The following SDK1 variants were observed in gnomAD, a reference collection of about 807,000 sequenced individuals.
The protein encoded by SDK1 is sidekick cell adhesion molecule 1, also known as protein sidekick-1.
Under a neutral mutation model 245.5 loss-of-function variants are expected in SDK1, and 157 were observed. That is an observed-to-expected ratio of 0.64 (90% CI 0.56 to 0.73). The LOEUF (loss-of-function observed/expected upper bound fraction) is 0.73, where lower values mean the gene tolerates loss of function less well. SDK1 is among the 30% of genes least tolerant of loss of function. SDK1 has a pLI of 0.00. For synonymous variants in SDK1, 1,647 were observed against 1,278.5 expected (o/e 1.29, Z -6.15); for missense variants, 3,583 against 3,002.3 (o/e 1.19, Z -4.52).
At chr7:3,797,939 C>G (rs1583424047) in intron 4 of SDK1, among the ~76,000 whole-genome samples, 1 of 152,216 alleles carries the variant, frequency 6.6e-6, no homozygotes, top group East Asian at 1.9e-4. Flanking sequence ...GTTGAAATAA[C>G]TTGAGACTTA....
At chr7:3,565,731 C>T (rs1355321674) in intron 1 of SDK1, among the ~76,000 whole-genome samples, 1 of 152,176 alleles carries the variant, frequency 6.6e-6, no homozygotes, top group African/African-American at 2.4e-5. Context: ...TACTTTAAAT[C>T]ACATCTAGGT....
At chr7:3,585,886 T>G (rs902513365) in intron 1 of SDK1, among the ~76,000 whole-genome samples, 2 of 152,148 alleles carry the variant, frequency 1.3e-5, no homozygotes, top group Admixed American at 6.5e-5. Flanking sequence ...GGAAAGAGAT[T>G]AGAAGTAAGA....
intron 1 of SDK1, among the ~76,000 whole-genome samples, chr7:3,407,785 C>T (rs1779092534): frequency 2.6e-5 from 4 of 152,170 alleles, no homozygotes; most frequent in Admixed American, 2.6e-4. Context: ...ATTTGTCCTT[C>T]TCCTCAAGGA....
chr7:3,462,115 G>T (rs1003114504), intron 1 of SDK1, among the ~76,000 whole-genome samples: 2 of 152,050 alleles, frequency 1.3e-5, no homozygotes, highest in Non-Finnish European at 2.9e-5. Flanking sequence ...TGTGGTTTCC[G>T]CTTCTGTCAT....
intron 1 of SDK1, among the ~76,000 whole-genome samples, chr7:3,381,320 G>T (rs1182466307): frequency 1.3e-5 from 2 of 152,146 alleles, no homozygotes; most frequent in African/African-American, 2.4e-5. Context: ...ATGCTGGCGA[G>T]TGAAGTCCAC....
At chr7:3,524,701 A>C (rs997069186) in intron 1 of SDK1, among the ~76,000 whole-genome samples, 8 of 152,024 alleles carry the variant, frequency 5.3e-5, no homozygotes, top group Non-Finnish European at 1.0e-4. Context: ...TTAGGAGCTC[A>C]CCTTTAGACA....
At chr7:3,359,603 T>A (rs1340448539) in intron 1 of SDK1, among the ~76,000 whole-genome samples, 2 of 152,190 alleles carry the variant, frequency 1.3e-5, no homozygotes, top group Non-Finnish European at 2.9e-5. Context: ...CTCTAAAGTG[T>A]CTGTCCACAC....
chr7:3,990,886 C>T (rs2128140873), intron 14 of SDK1, among the ~76,000 whole-genome samples: 1 of 152,350 alleles, frequency 6.6e-6, no homozygotes. Flanking sequence ...ATGACTGGCT[C>T]CTCCAGCCAG....
At chr7:4,211,570 C>T (rs1176792611) in intron 38 of SDK1, among the ~76,000 whole-genome samples, 1 of 152,110 alleles carries the variant, frequency 6.6e-6, no homozygotes, top group Non-Finnish European at 1.5e-5. Context: ...TCTGCACCTG[C>T]TGGGTCAGTG....
intron 1 of SDK1, among the ~76,000 whole-genome samples, chr7:3,455,025 G>T (rs1471554069): frequency 6.6e-6 from 1 of 152,016 alleles, no homozygotes; most frequent in Admixed American, 6.6e-5. Flanking sequence ...TAGATATTCT[G>T]ATAGGTATGC....
intron 14 of SDK1, among the ~76,000 whole-genome samples, chr7:3,988,682 C>G (rs1784060195): frequency 1.3e-5 from 2 of 152,160 alleles, no homozygotes; most frequent in South Asian, 4.1e-4. Flanking sequence ...CCTGGAAACC[C>G]ATAGAGCTAG....
At chr7:3,759,985 T>C (rs1780046167) in intron 4 of SDK1, among the ~76,000 whole-genome samples, 1 of 152,140 alleles carries the variant, frequency 6.6e-6, no homozygotes, top group Admixed American at 6.5e-5. Context: ...ATACTGGGGG[T>C]ATAAATTTTG....
rs1339157232 is a variant in SDK1, at chr7:3,692,221, T to C, written c.713+50116T>C. 2.0e-5 allele frequency among the ~76,000 whole-genome samples: 3 copies of C among 152,166 alleles called. No individual in the cohort carries two copies. The South Asian group carries it at 6.2e-4, about 32-fold the overall frequency. ...TTTCTTAAAAAATTCTTTCTGATTC[T>C]AAAACTTTATAGACAACTAAGAAAA... On this transcript the variant is annotated intron_variant, in intron 4 of 44. Coordinates refer to ENST00000404826, the MANE Select transcript of SDK1 (RefSeq NM_152744.4).
chr7:3,741,155 A>C (rs937320206), intron 4 of SDK1, among the ~76,000 whole-genome samples: 1 of 152,034 alleles, frequency 6.6e-6, no homozygotes, highest in Non-Finnish European at 1.5e-5. Context: ...TGTGCTGAGC[A>C]CTCTCTGAAG....
At chr7:4,086,942 A>G (rs1033392463) in intron 22 of SDK1, among the ~76,000 whole-genome samples, 3 of 152,108 alleles carry the variant, frequency 2.0e-5, no homozygotes, top group African/African-American at 4.8e-5. Flanking sequence ...ATGCACATGT[A>G]AACTTCCCAG....
chr7:3,823,131 T>C (rs1024233836), intron 5 of SDK1, among the ~76,000 whole-genome samples: 6 of 152,218 alleles, frequency 3.9e-5, no homozygotes, highest in Admixed American at 3.9e-4. Flanking sequence ...GTGCATGCTG[T>C]ACTGTGACGT....
chr7:4,068,040 A>T, intron 20 of SDK1, 104 bp downstream of exon 20: 1 of 775,500 alleles, frequency 1.3e-6, no homozygotes, highest in East Asian at 2.7e-5. Context: ...ACCCGTGCCC[A>T]TGGCCTTCTC....
chr7:4,197,854 T>G (rs908069433), intron 35 of SDK1, among the ~76,000 whole-genome samples: 1 of 152,190 alleles, frequency 6.6e-6, no homozygotes, highest in Non-Finnish European at 1.5e-5. Context: ...CTTGCGGTGG[T>G]CTCCTTTGTC....
intron 4 of SDK1, among the ~76,000 whole-genome samples, chr7:3,704,952 C>G (rs573574346): frequency 1.3e-5 from 2 of 152,226 alleles, no homozygotes; most frequent in South Asian, 4.1e-4. Flanking sequence ...AGTATGCTTT[C>G]CCCAATTTAT....
Sources: gnomAD v4.1 joint callset for allele counts (sites outside exome capture counted in the v4.1 genomes callset) on GRCh38, gnomAD v4.1.1 for gene constraint, MANE v1.5 for transcripts, NCBI Gene and HGNC (gene_info 2026-07-23, HGNC 2026-07-21) for gene names.